Variants in CFAP206 observed in about 807,000 individuals in gnomAD.
The protein encoded by CFAP206 is cilia and flagella associated protein 206.
Under a neutral mutation model 65.4 loss-of-function variants are expected in CFAP206, and 53 were observed. The ratio of observed to expected loss-of-function variants is 0.81; its 90% CI spans 0.65 to 1.02. CFAP206 has a LOEUF of 1.02. CFAP206 is among the 50% of genes least tolerant of loss of function. CFAP206 has a pLI of 0.00. For synonymous variants in CFAP206, 250 were observed against 254.4 expected (o/e 0.98, Z 0.17); for missense variants, 663 against 753.2 (o/e 0.88, Z 1.40).
At chr6:87,413,942 CT>C in intron 4 of CFAP206, 42 bp downstream of exon 4, 1 of 1,008,088 alleles carries the variant, frequency 9.9e-7, no homozygotes, top group Non-Finnish European at 1.4e-6. Context: ...AAATTTCATA[CT>C]GTGTTTCAGC....
intron 9 of CFAP206, among the ~76,000 whole-genome samples, chr6:87,429,338 G>T (rs756395864): frequency 6.6e-6 from 1 of 151,968 alleles, no homozygotes; most frequent in Non-Finnish European, 1.5e-5. Flanking sequence ...TAGTGTTATC[G>T]TTCATGTTTT....
At position 87,410,601 on chromosome 6, in the gene CFAP206, T is replaced by G; in HGVS notation, c.125T>G (p.Leu42Arg). The change falls in exon 3 of 13, where the codon CTG becomes CGG. Residue 42 changes from leucine (L) to arginine (R), a missense_variant. Transcript: ENST00000369562. ...LIAFMVKAVVLDPSNGFNMDR... is the reference protein window; with the variant it reads ...LIAFMVKAVVRDPSNGFNMDR... The stretch of plus-strand genomic sequence containing the variant: ...TTTTTCTAGGTGAAAGCTGTTGTCC[T>G]GGATCCAAGTAATGGCTTTAACATG... 1 of 1,613,994 alleles carries G rather than the reference T, an allele frequency of 6.2e-7. No homozygotes were observed. The highest frequency in any genetic ancestry group is 1.1e-5 in the South Asian group (1 of 91,066).
intron 11 of CFAP206, among the ~76,000 whole-genome samples, chr6:87,451,374 A>T (rs548320891): frequency 1.3e-5 from 2 of 152,134 alleles, no homozygotes; most frequent in Non-Finnish European, 2.9e-5. Context: ...TGAAGCCCCA[A>T]TTCCAGACCA....
At chr6:87,423,676 T>C (rs1767988193) in intron 7 of CFAP206, among the ~76,000 whole-genome samples, 1 of 152,208 alleles carries the variant, frequency 6.6e-6, no homozygotes, top group South Asian at 2.1e-4. Flanking sequence ...TAAAAGACTT[T>C]AAAGACTGCA....
Position 87,418,205 on chromosome 6 carries a change from C to T in CFAP206, c.632-3C>T, listed in dbSNP as rs758857893. Reference sequence around the variant, plus strand: ...GGCTGCCTTTTCATACTCTTACAAACAGTGCCAGCTGTTCTCCATGTAGCA... The same window carrying T: ...GGCTGCCTTTTCATACTCTTACAAATAGTGCCAGCTGTTCTCCATGTAGCA... On this transcript the variant is annotated splice_region_variant and splice_polypyrimidine_tract_variant and intron_variant, in intron 6 of 12. Coordinates refer to ENST00000369562, the MANE Select transcript of CFAP206 (RefSeq NM_001031743.3). 3 of 1,613,954 alleles carry T rather than the reference C, an allele frequency of 1.9e-6. No homozygotes were observed. The highest frequency in any genetic ancestry group is 2.2e-5 in the East Asian group (1 of 44,882).
intron 1 of CFAP206, chr6:87,408,716 C>T (rs994327956): frequency 7.3e-6 from 1 of 136,248 alleles, no homozygotes; most frequent in African/African-American, 2.9e-5. Flanking sequence ...ACTGTTGTAA[C>T]CACTAAAAAC....
chr6:87,447,951 T>TTTATTATTATTATTATTATTATTATTA (rs71018018), intron 11 of CFAP206, among the ~76,000 whole-genome samples: 9,778 of 146,748 alleles, frequency 0.067, 419 homozygotes, highest in Non-Finnish European at 0.086. Flanking sequence ...CTAGATTTTC[T>TTTATTATTATTATTATTATTATTATTA]TTATTATTAT....
At chr6:87,438,130 T>C (rs984733834) in intron 11 of CFAP206, among the ~76,000 whole-genome samples, 2 of 152,074 alleles carry the variant, frequency 1.3e-5, no homozygotes, top group Non-Finnish European at 2.9e-5. Flanking sequence ...AGACAAAGTC[T>C]GTTAAGGGAA....
In CFAP206 at chr6:87,409,817, A is replaced by C; in HGVS notation, c.-5-18A>C. ...ATAAAACCACGGTTTTTTTAAAAAA[A>C]ATTGTTGTTTTATTTAGCCAGAATG... On this transcript the variant is annotated intron_variant, in intron 1 of 12. Transcript: ENST00000369562. The C allele has an allele frequency of 6.5e-7, 1 of 1,546,336 alleles. No individual in the cohort carries two copies.
At chr6:87,419,513 T>C (rs777265964) in intron 7 of CFAP206, among the ~76,000 whole-genome samples, 3 of 152,324 alleles carry the variant, frequency 2.0e-5, no homozygotes, top group Non-Finnish European at 4.4e-5. Context: ...ACACAGTCTG[T>C]TAATTACTGC....
At chr6:87,448,703 T>C (rs892174657) in intron 11 of CFAP206, among the ~76,000 whole-genome samples, 1 of 152,146 alleles carries the variant, frequency 6.6e-6, no homozygotes, top group Non-Finnish European at 1.5e-5. Context: ...CCTACTTATA[T>C]GGGCATGATC....
At chr6:87,421,434 T>C (rs35822597) in intron 7 of CFAP206, among the ~76,000 whole-genome samples, 5,741 of 152,018 alleles carry the variant, frequency 0.038, 133 homozygotes, top group Middle Eastern at 0.078. Flanking sequence ...TGCAGTGAGC[T>C]GAGATCGTGC....
intron 11 of CFAP206, among the ~76,000 whole-genome samples, chr6:87,437,312 C>G (rs977781129): frequency 2.6e-5 from 4 of 151,942 alleles, no homozygotes; most frequent in Non-Finnish European, 5.9e-5. Context: ...TGATGTTTAG[C>G]ATTTCTTCTT....
intron 11 of CFAP206, among the ~76,000 whole-genome samples, chr6:87,452,363 A>G (rs757307166): frequency 1.3e-5 from 2 of 152,230 alleles, no homozygotes; most frequent in Non-Finnish European, 2.9e-5. Flanking sequence ...AAGGACAGGT[A>G]CAAACAAACC....
At position 87,464,399 on chromosome 6, in the gene CFAP206, A is replaced by C. The variant is rs1399516548; in HGVS notation, c.*149A>C. On this transcript the variant is annotated 3_prime_UTR_variant, in exon 13 of 13. Transcript: ENST00000369562. ...TTATTGGGTTCCCATATTTTATCAAACTGTTTTCTGTAACACATTTTTCAT... is the reference window on the plus strand; with the variant it reads ...TTATTGGGTTCCCATATTTTATCAACCTGTTTTCTGTAACACATTTTTCAT... 2.0e-6 allele frequency: 1 copy of C among 492,244 alleles called. No homozygotes were observed. The highest frequency in any genetic ancestry group is 3.5e-6 in the Non-Finnish European group (1 of 289,396). The allele number at this position is 492,244 out of a possible 1,614,324, so 30.5% of individuals were successfully genotyped here.
At chr6:87,448,098 C>A (rs1582148687) in intron 11 of CFAP206, among the ~76,000 whole-genome samples, 2 of 152,214 alleles carry the variant, frequency 1.3e-5, no homozygotes, top group African/African-American at 4.8e-5. Flanking sequence ...AAGGCTATCC[C>A]TCCCCTAGTC....
At chr6:87,440,454 A>AT (rs943025798) in intron 11 of CFAP206, among the ~76,000 whole-genome samples, 49 of 151,528 alleles carry the variant, frequency 3.2e-4, no homozygotes, top group African/African-American at 1.2e-3. Flanking sequence ...TAGACTTTGT[A>AT]TTTTTTTTAA....
At chr6:87,451,349 C>A (rs944772322) in intron 11 of CFAP206, among the ~76,000 whole-genome samples, 6 of 152,102 alleles carry the variant, frequency 3.9e-5, no homozygotes, top group African/African-American at 1.2e-4. Context: ...TAAAATAAAG[C>A]TCCAAGCAGA....
At chr6:87,453,312 C>T (rs1257624853) in intron 11 of CFAP206, among the ~76,000 whole-genome samples, 1 of 152,048 alleles carries the variant, frequency 6.6e-6, no homozygotes, top group East Asian at 1.9e-4. Context: ...ATCACCAGAC[C>T]TGTTCTGCAA....
Sources: gnomAD v4.1 joint callset for allele counts (sites outside exome capture counted in the v4.1 genomes callset) on GRCh38, gnomAD v4.1.1 for gene constraint, MANE v1.5 for transcripts, NCBI Gene and HGNC (gene_info 2026-07-23, HGNC 2026-07-21) for gene names.